Variants in PEX7 observed in about 807,000 individuals in gnomAD.
PEX7 encodes the protein peroxisomal biogenesis factor 7, also known as PTS2 receptor.
A neutral mutation model predicts 47.5 loss-of-function variants in PEX7; 34 were observed. The ratio of observed to expected loss-of-function variants is 0.72; its 90% CI spans 0.54 to 0.95. The LOEUF (loss-of-function observed/expected upper bound fraction) is 0.95. Among genes scored for constraint, PEX7 ranks in the 40% least tolerant of loss-of-function variants. PEX7 has a pLI of 0.00. For missense variants in PEX7, 394 were observed against 400.3 expected (o/e 0.98, Z 0.13); for synonymous variants, 141 against 148.8 (o/e 0.95, Z 0.38).
At chr6:136,845,891 T>C (rs1774589581) in intron 4 of PEX7, among the ~76,000 whole-genome samples, 182 bp from the exon 5 acceptor site, 1 of 152,210 alleles carries the variant, frequency 6.6e-6, no homozygotes, top group Non-Finnish European at 1.5e-5. Flanking sequence ...AGCTCAGCAT[T>C]AGTTTGGCCC....
intron 9 of PEX7, among the ~76,000 whole-genome samples, chr6:136,909,654 C>G (rs925555498): frequency 4.6e-5 from 7 of 152,138 alleles, no homozygotes; most frequent in Non-Finnish European, 7.3e-5. Flanking sequence ...CCAGATAGGG[C>G]TTAATTAACA....
At chr6:136,872,395 ATAT>A (rs1775199811) in intron 8 of PEX7, 142 bp downstream of exon 8, 1 of 691,348 alleles carries the variant, frequency 1.4e-6, no homozygotes, top group African/African-American at 1.8e-5. Context: ...ACTAGGATTA[ATAT>A]TATATTTTTC....
chr6:136,840,978 T>G (rs770787096), intron 3 of PEX7, among the ~76,000 whole-genome samples: 1 of 152,222 alleles, frequency 6.6e-6, no homozygotes, highest in Non-Finnish European at 1.5e-5. Flanking sequence ...TTCTTTGTAG[T>G]TTTTAAAAAA....
chr6:136,822,941 C>T, intron 1 of PEX7, 146 bp downstream of exon 1: 2 of 1,208,502 alleles, frequency 1.7e-6, no homozygotes, highest in South Asian at 3.9e-5. Flanking sequence ...AGGCGCTGGT[C>T]GGCGCTTCTC....
chr6:136,888,386 A>T (rs1267355223), intron 8 of PEX7, among the ~76,000 whole-genome samples: 3 of 152,182 alleles, frequency 2.0e-5, no homozygotes, highest in Non-Finnish European at 4.4e-5. Flanking sequence ...AATTCTTAGG[A>T]TGATCAGAGA....
At chr6:136,901,232 A>G (rs1775748761) in intron 9 of PEX7, 2 of 152,320 alleles carry the variant, frequency 1.3e-5, no homozygotes, top group Non-Finnish European at 2.9e-5. Context: ...GGAGATATGA[A>G]TCAAGTTCTA....
intron 3 of PEX7, among the ~76,000 whole-genome samples, chr6:136,834,947 G>GTT (rs965896558): frequency 2.0e-5 from 3 of 149,464 alleles, no homozygotes; most frequent in African/African-American, 7.4e-5. Flanking sequence ...TTTGTTTTTT[G>GTT]TTTTTTTTTG....
intron 8 of PEX7, among the ~76,000 whole-genome samples, chr6:136,879,565 G>A (rs890588324): frequency 8.6e-5 from 13 of 151,802 alleles, no homozygotes; most frequent in African/African-American, 9.7e-5. Context: ...CCTCCTCCTC[G>A]AGACCCTGGG....
chr6:136,898,307 A>G (rs2115273274), intron 9 of PEX7, 66 bp downstream of exon 9: 2 of 958,472 alleles, frequency 2.1e-6, no homozygotes, highest in East Asian at 2.4e-5. Flanking sequence ...TGTGGCATGC[A>G]TTGCTTTTAT....
chr6:136,904,632 CT>C (rs772446747), intron 9 of PEX7, among the ~76,000 whole-genome samples: 4,119 of 129,504 alleles, frequency 0.032, 113 homozygotes, highest in African/African-American at 0.078. Context: ...CCTGCACAAG[CT>C]TTTTTTTTTT....
rs755773840 is a variant in PEX7, at chr6:136,882,947, TTACCC to T, written c.803+10696_803+10700del. Among the ~76,000 whole-genome samples the T allele has an allele frequency of 2.0e-4, 30 of 152,336 alleles. 1 individual carries two copies. The highest frequency in any genetic ancestry group is 9.2e-4 in the Admixed American group (14 of 15,296). ...CCCAGCGTACTCTGTGTTGGAGGTC[TTACCC>T]TGGATCACTAGAACCTATAAAATGG... is the stretch of plus-strand genomic sequence containing the variant. On this transcript the variant is annotated intron_variant, in intron 8 of 9. Coordinates refer to ENST00000318471, the MANE Select transcript of PEX7 (RefSeq NM_000288.4).
At chr6:136,850,443 C>T (rs1774722319) in intron 5 of PEX7, among the ~76,000 whole-genome samples, 1 of 152,166 alleles carries the variant, frequency 6.6e-6, no homozygotes, top group South Asian at 2.1e-4. Context: ...GATGCAGTTT[C>T]TTCCTAGCCT....
chr6:136,822,676 T>C lies in PEX7; in HGVS notation c.11T>C (p.Val4Ala). Residue 4 changes from valine to alanine, a missense_variant, in exon 1 of 10, where the codon GTG becomes GCG. Transcript: ENST00000318471. ...GGGGCGGCGGGCGGGATGAGTGCGG[T>C]GTGCGGTGGAGCGGCGCGGATGCTG... MSA[V>A]CGGAARMLRT... 1 of 1,523,436 alleles carries C rather than the reference T, an allele frequency of 6.6e-7. No individual in the cohort carries two copies. The highest frequency in any genetic ancestry group is 8.8e-7 in the Non-Finnish European group (1 of 1,141,536). The allele number at this position is 1,523,436 out of a possible 1,614,324, so 94.4% of individuals were successfully genotyped here. A position where few individuals can be genotyped will look rare whatever the true frequency, so the allele number is the denominator to read the frequency against.
Position 136,882,078 on chromosome 6 carries a change from T to C in PEX7, c.803+9825T>C, listed in dbSNP as rs530678675. Among the ~76,000 whole-genome samples the C allele has an allele frequency of 1.5e-3, 224 of 152,226 alleles. 1 individual carries two copies. Among genetic ancestry groups the C allele is most frequent in the African/African-American group, 5.2e-3 (214 of 41,552 alleles). On this transcript the variant is annotated intron_variant, in intron 8 of 9. Coordinates refer to ENST00000318471, the MANE Select transcript of PEX7 (RefSeq NM_000288.4). ...GTAATATGGCAACTAGTGATATCTG[T>C]GCTCACAAGCTCACAGGGTGATTAC...
intron 2 of PEX7, among the ~76,000 whole-genome samples, chr6:136,825,754 C>T (rs1404280756): frequency 1.3e-5 from 2 of 152,070 alleles, no homozygotes; most frequent in African/African-American, 4.8e-5. Context: ...AGGCTGGTCT[C>T]AAACTCCTGA....
At chr6:136,823,553 C>T (rs1774126639) in intron 1 of PEX7, among the ~76,000 whole-genome samples, 1 of 152,114 alleles carries the variant, frequency 6.6e-6, no homozygotes, top group East Asian at 1.9e-4. Flanking sequence ...GATCACATCA[C>T]TCCACTCCAG....
intron 5 of PEX7, among the ~76,000 whole-genome samples, chr6:136,863,006 A>G (rs1774993843): frequency 6.6e-6 from 1 of 152,182 alleles, no homozygotes; most frequent in East Asian, 1.9e-4. Flanking sequence ...CATCAAAGCT[A>G]TTTGGAATTC....
At chr6:136,843,160 C>T (rs1416751628) in intron 3 of PEX7, among the ~76,000 whole-genome samples, 3 of 152,162 alleles carry the variant, frequency 2.0e-5, no homozygotes, top group Admixed American at 6.5e-5. Flanking sequence ...AGGCTGCCCA[C>T]GTTCAGATTT....
chr6:136,827,687 C>T (rs146459191), intron 3 of PEX7, among the ~76,000 whole-genome samples: 3 of 152,180 alleles, frequency 2.0e-5, no homozygotes, highest in East Asian at 1.9e-4. Context: ...CGTGCGCCAC[C>T]GTGCCCTGCT....
Sources: allele counts gnomAD v4.1 joint callset (sites outside exome capture counted in the v4.1 genomes callset), GRCh38; gene constraint gnomAD v4.1.1; transcripts MANE v1.5; gene names NCBI Gene and HGNC (gene_info 2026-07-23, HGNC 2026-07-21).